PTCHD4: variants seen among roughly 807,000 people sequenced by gnomAD.
PTCHD4 encodes patched domain containing 4.
In PTCHD4, 33 loss-of-function variants were observed where a neutral mutation model predicts 58.1. The observed-to-expected ratio is 0.57, with a 90% CI of 0.43 to 0.76. The LOEUF (loss-of-function observed/expected upper bound fraction) is 0.76. Among genes scored for constraint, PTCHD4 ranks in the 30% least tolerant of loss-of-function variants. PTCHD4 has a pLI of 0.00. For synonymous variants in PTCHD4, 478 were observed against 409.6 expected, an observed-to-expected ratio of 1.17 and a Z score of -2.02; for missense variants, 1,058 against 1,027.1, an observed-to-expected ratio of 1.03 and a Z score of -0.41.
At chr6:48,025,885 C>T (rs1722991162) in intron 3 of PTCHD4, among the ~76,000 whole-genome samples, 1 of 152,094 alleles carries the variant, frequency 6.6e-6, no homozygotes, top group Non-Finnish European at 1.5e-5. Context: ...AATGGAATGG[C>T]ACTCAGGGAC....
At chr6:47,898,193 C>A (rs1454764264) in intron 4 of PTCHD4, among the ~76,000 whole-genome samples, 2 of 152,064 alleles carry the variant, frequency 1.3e-5, no homozygotes, top group Non-Finnish European at 2.9e-5. Context: ...ATCCACCTGC[C>A]TCGGCCTCCC....
rs974105632 is a variant in PTCHD4, at chr6:47,997,932, T to A, written c.898+10702A>T. 2.0e-5 allele frequency among the ~76,000 whole-genome samples: 3 copies of A among 152,222 alleles called. No individual in the cohort carries two copies. The East Asian group carries it at 5.8e-4, about 29-fold the overall frequency. On this transcript the variant is annotated intron_variant, in intron 4 of 4. Transcript: ENST00000339488. ...GGTATGATAATACTGGCTTGAAAGA[T>A]AATTGAATCTAGGAAGTATATCTCC...
intron 1 of PTCHD4, among the ~76,000 whole-genome samples, chr6:48,096,254 T>G (rs557780586): frequency 6.6e-6 from 1 of 152,022 alleles, no homozygotes; most frequent in Non-Finnish European, 1.5e-5. Context: ...AGAGATTGAA[T>G]GTGGAAGAAA....
At chr6:47,890,897 T>C in intron 4 of PTCHD4, 2 of 984,762 alleles carry the variant, frequency 2.0e-6, no homozygotes, top group Non-Finnish European at 2.4e-6. Context: ...GTACCTTCCA[T>C]GCTTTTCAAG....
Position 48,068,290 on chromosome 6 carries a change from G to A in PTCHD4, c.357C>T (p.Asp119=). The A allele has an allele frequency of 6.2e-7, 1 of 1,610,540 alleles. No homozygotes were observed. The highest frequency in any genetic ancestry group is 8.5e-7 in the Non-Finnish European group (1 of 1,177,354). ...GRVILLSPTG[D]NILLQAEGIL... The stretch of plus-strand genomic sequence containing the variant: ...TCCCCTCAGCCTGGAGCAAAATATT[G>A]TCCCCGGTTGGGGAGAGGAGGATCA... Residue 119 remains aspartate (D), a synonymous_variant, in exon 3 of 5, where the codon GAC becomes GAT. Coordinates refer to ENST00000339488, the MANE Select transcript of PTCHD4 (RefSeq NM_001384253.1). This position sits in a 1 kb window ranked among gnomAD's most constrained non-coding sequence, Gnocchi z 4.2.
chr6:48,028,595 T>G (rs1049045736), intron 3 of PTCHD4, among the ~76,000 whole-genome samples: 1 of 152,138 alleles, frequency 6.6e-6, no homozygotes, highest in Non-Finnish European at 1.5e-5. Flanking sequence ...TTTTTGGATT[T>G]TTTTGGTCTG....
At chr6:47,964,197 G>C (rs747577132) in intron 4 of PTCHD4, among the ~76,000 whole-genome samples, 2 of 152,186 alleles carry the variant, frequency 1.3e-5, no homozygotes, top group South Asian at 4.1e-4. Context: ...ATGAAGTTCA[G>C]CTAAGCAAGA....
At position 47,876,031 on chromosome 6, in the gene PTCHD4, G is replaced by A. The variant is rs1021345761; in HGVS notation, c.*2272C>T. 6.6e-6 allele frequency among the ~76,000 whole-genome samples: 1 copy of A among 151,464 alleles called. No homozygotes were observed. Among genetic ancestry groups the A allele is most frequent in the African/African-American group, 2.4e-5 (1 of 41,286 alleles). On this transcript the variant is annotated 3_prime_UTR_variant, in exon 5 of 5. Coordinates refer to ENST00000339488, the MANE Select transcript of PTCHD4 (RefSeq NM_001384253.1). Reference sequence around the variant, plus strand: ...TCCATATCAAATCTTTACAAATGATGGGTAATCTGTAAGAGGAATTCTCCT... The same window carrying A: ...TCCATATCAAATCTTTACAAATGATAGGTAATCTGTAAGAGGAATTCTCCT...
chr6:48,069,873 C>T lies in PTCHD4; in HGVS notation c.-916G>A, dbSNP rs971608664. ...GCCATCTGGTTCAGGCTAATTTTCCCCTGTGAGTGGAATTCCAGAAACAGA... is the reference window on the plus strand; with the variant it reads ...GCCATCTGGTTCAGGCTAATTTTCCTCTGTGAGTGGAATTCCAGAAACAGA... On this transcript the variant is annotated 5_prime_UTR_variant, in exon 2 of 5. Transcript: ENST00000339488. Among the ~76,000 whole-genome samples the T allele has an allele frequency of 6.6e-6, 1 of 152,074 alleles. No homozygotes were observed. The highest frequency in any genetic ancestry group is 1.5e-5 in the Non-Finnish European group (1 of 68,014).
intron 4 of PTCHD4, among the ~76,000 whole-genome samples, chr6:47,950,938 A>G (rs1280017209): frequency 6.6e-6 from 1 of 152,124 alleles, no homozygotes; most frequent in Non-Finnish European, 1.5e-5. Flanking sequence ...GTGTCAATTG[A>G]TGGAATTTGG....
rs370349912 is a variant in PTCHD4, at chr6:48,008,598, G to T, written c.898+36C>A. On this transcript the variant is annotated intron_variant, in intron 4 of 4. Coordinates refer to ENST00000339488, the MANE Select transcript of PTCHD4 (RefSeq NM_001384253.1). The stretch of plus-strand genomic sequence containing the variant: ...GAAATATACTACCTTGCCCCAAACC[G>T]GTAAGAATCCGATTACCACAAGGAT... 6.3e-6 allele frequency: 10 copies of T among 1,592,484 alleles called. No homozygotes were observed. The South Asian group carries it at 8.0e-5, about 13-fold the overall frequency.
At chr6:48,092,922 G>A (rs971524753) in intron 1 of PTCHD4, among the ~76,000 whole-genome samples, 2 of 152,084 alleles carry the variant, frequency 1.3e-5, no homozygotes, top group African/African-American at 4.8e-5. Context: ...TGAATTTTAG[G>A]AATGTCTGTG....
intron 3 of PTCHD4, among the ~76,000 whole-genome samples, chr6:48,044,995 C>T (rs773877813): frequency 9.2e-5 from 14 of 151,754 alleles, no homozygotes; most frequent in Non-Finnish European, 1.5e-4. Context: ...ACAGAATATG[C>T]CCCATTTCTT....
At chr6:47,983,403 T>A (rs1767954698) in intron 4 of PTCHD4, among the ~76,000 whole-genome samples, 1 of 152,206 alleles carries the variant, frequency 6.6e-6, no homozygotes, top group Admixed American at 6.5e-5. Flanking sequence ...TCTCAGTGGT[T>A]TAAATGTTTC....
At chr6:48,016,360 C>G (rs991813136) in intron 3 of PTCHD4, among the ~76,000 whole-genome samples, 1 of 151,862 alleles carries the variant, frequency 6.6e-6, no homozygotes, top group African/African-American at 2.4e-5. Context: ...TTTAAGCAAG[C>G]GAATGACATG....
At chr6:47,884,666 T>C (rs1764127635) in intron 4 of PTCHD4, among the ~76,000 whole-genome samples, 1 of 152,238 alleles carries the variant, frequency 6.6e-6, no homozygotes, top group African/African-American at 2.4e-5. Context: ...AATTCTCACC[T>C]GAGGCCACTG....
rs185311734 is a variant in PTCHD4 at position 48,106,941 on chromosome 6, A to G, written c.-970+4108T>C. On this transcript the variant is annotated intron_variant, in intron 1 of 4. Transcript: ENST00000339488. ...GGGAACTACAAACGACTGCTCAATG[A>G]AATAAAAGAGTATACAAACAAATGG... is the stretch of plus-strand genomic sequence containing the variant. Among the ~76,000 whole-genome samples, 863 of 152,306 alleles carry G rather than the reference A, an allele frequency of 5.7e-3. 7 individuals carry two copies. The highest frequency in any genetic ancestry group is 0.019 in the African/African-American group (783 of 41,550).
chr6:47,933,542 G>T (rs1765896511), intron 4 of PTCHD4, among the ~76,000 whole-genome samples: 1 of 152,162 alleles, frequency 6.6e-6, no homozygotes. Flanking sequence ...CATTTTAAGT[G>T]CTGCAAATTC....
At chr6:47,884,438 A>T (rs888949657) in intron 4 of PTCHD4, among the ~76,000 whole-genome samples, 2 of 152,138 alleles carry the variant, frequency 1.3e-5, no homozygotes, top group Admixed American at 1.3e-4. Flanking sequence ...TTCCACCCTT[A>T]CTCAGAGATT....
Sources: gnomAD v4.1 joint callset for allele counts (sites outside exome capture counted in the v4.1 genomes callset) on GRCh38, gnomAD v4.1.1 for gene constraint, Gnocchi (gnomAD v3.1) non-coding constraint, MANE v1.5 for transcripts, NCBI Gene and HGNC (gene_info 2026-07-23, HGNC 2026-07-21) for gene names.